Variants in SLC25A20 observed in about 807,000 individuals in gnomAD.
SLC25A20 encodes the protein solute carrier family 25 member 20.
SLC25A20 carries 29 observed loss-of-function variants against 39.7 expected under a neutral mutation model. That is an observed-to-expected ratio of 0.73 (90% CI 0.54 to 1.00). SLC25A20 has a LOEUF of 1.00. SLC25A20 is among the 50% of genes least tolerant of loss of function. The pLI is 0.00. For synonymous variants in SLC25A20, 103 were observed against 142.2 expected, an observed-to-expected ratio of 0.72 and a Z score of 1.96; for missense variants, 333 against 379.9, an observed-to-expected ratio of 0.88 and a Z score of 1.03.
At chr3:48,863,292 T>G (rs560660421) in intron 4 of SLC25A20, among the ~76,000 whole-genome samples, 1 of 152,356 alleles carries the variant, frequency 6.6e-6, no homozygotes, top group East Asian at 1.9e-4. Context: ...GTCATTCATT[T>G]ATTCCTTCAA....
At chr3:48,892,268 C>T (rs918170564) in intron 1 of SLC25A20, among the ~76,000 whole-genome samples, 196 bp from the exon 2 acceptor site, 8 of 152,148 alleles carry the variant, frequency 5.3e-5, no homozygotes, top group African/African-American at 1.9e-4. Flanking sequence ...AAATAATATC[C>T]CATCGTATGA....
chr3:48,862,022 C>T (rs906504137), intron 5 of SLC25A20, among the ~76,000 whole-genome samples: 10 of 152,088 alleles, frequency 6.6e-5, no homozygotes, highest in African/African-American at 2.4e-4. Context: ...GAGTGAAACT[C>T]CATCTCAAAA....
chr3:48,890,362 A>AT (rs1307180983), intron 2 of SLC25A20, among the ~76,000 whole-genome samples: 5 of 150,982 alleles, frequency 3.3e-5, no homozygotes, highest in African/African-American at 7.3e-5. Flanking sequence ...AATTTTTTGT[A>AT]TTTTTTTTAG....
intron 2 of SLC25A20, among the ~76,000 whole-genome samples, chr3:48,887,623 G>C (rs1259161242): frequency 6.6e-6 from 1 of 152,188 alleles, no homozygotes; most frequent in African/African-American, 2.4e-5. Flanking sequence ...AAAGAACAAG[G>C]CCAGGTGCCA....
intron 7 of SLC25A20, 70 bp from the exon 8 acceptor site, chr3:48,858,701 C>A: frequency 1.3e-6 from 2 of 1,598,206 alleles, no homozygotes; most frequent in Middle Eastern, 1.8e-4. Context: ...CCTGAAGGGT[C>A]AGGACTAGCA....
intron 4 of SLC25A20, among the ~76,000 whole-genome samples, chr3:48,876,758 T>C (rs1261318561): frequency 1.3e-5 from 2 of 151,964 alleles, no homozygotes; most frequent in African/African-American, 4.8e-5. Context: ...AAAAAAATTA[T>C]AGAAATGATT....
At chr3:48,893,327 C>T (rs1209876722) in intron 1 of SLC25A20, among the ~76,000 whole-genome samples, 1 of 151,916 alleles carries the variant, frequency 6.6e-6, no homozygotes, top group Non-Finnish European at 1.5e-5. Flanking sequence ...TGGATAATGA[C>T]ACTGAACAAC....
chr3:48,858,829 G>A (rs1308601638), intron 7 of SLC25A20, among the ~76,000 whole-genome samples, 198 bp from the exon 8 acceptor site: 3 of 152,188 alleles, frequency 2.0e-5, no homozygotes, highest in Non-Finnish European at 4.4e-5. Flanking sequence ...GAGGGAAGAA[G>A]AATGAAACAG....
chr3:48,878,098 T>C (rs1260452153), intron 4 of SLC25A20, among the ~76,000 whole-genome samples: 2 of 151,182 alleles, frequency 1.3e-5, no homozygotes, highest in East Asian at 3.9e-4. Flanking sequence ...CCATCTCTAC[T>C]AAAAATACAA....
chr3:48,878,131 C>T (rs563547901), intron 4 of SLC25A20, among the ~76,000 whole-genome samples: 5 of 151,630 alleles, frequency 3.3e-5, no homozygotes, highest in African/African-American at 1.2e-4. Context: ...CGTGGTGGCA[C>T]ATGCCTGTGG....
intron 1 of SLC25A20, among the ~76,000 whole-genome samples, chr3:48,895,302 C>A (rs959231771): frequency 2.0e-5 from 3 of 152,230 alleles, no homozygotes; most frequent in Non-Finnish European, 4.4e-5. Context: ...GCCACCATGC[C>A]TGGCCTAATT....
intron 4 of SLC25A20, among the ~76,000 whole-genome samples, chr3:48,873,994 A>C (rs1298397660): frequency 9.2e-6 from 1 of 109,222 alleles, no homozygotes; most frequent in Non-Finnish European, 1.9e-5. Context: ...AAAAAAAAGA[A>C]TTCTTAGACT....
At chr3:48,897,365 A>ATTT (rs1372803902) in intron 1 of SLC25A20, among the ~76,000 whole-genome samples, 43 of 104,316 alleles carry the variant, frequency 4.1e-4, no homozygotes, top group Non-Finnish European at 8.0e-4. Context: ...ATATATATAT[A>ATTT]TATTTTTTTT....
At chr3:48,873,923 T>C (rs2083736181) in intron 4 of SLC25A20, among the ~76,000 whole-genome samples, 1 of 142,944 alleles carries the variant, frequency 7.0e-6, no homozygotes, top group Non-Finnish European at 1.5e-5. Flanking sequence ...GAGCTGAGAT[T>C]GCGCTACTGC....
intron 2 of SLC25A20, among the ~76,000 whole-genome samples, chr3:48,890,871 G>T (rs2106664640): frequency 6.6e-6 from 1 of 151,440 alleles, no homozygotes; most frequent in South Asian, 2.1e-4. Context: ...AGCCAGGATG[G>T]TCTCGATCTC....
At chr3:48,881,020 C>T (rs1293866103) in intron 3 of SLC25A20, among the ~76,000 whole-genome samples, 3 of 152,134 alleles carry the variant, frequency 2.0e-5, no homozygotes, top group Admixed American at 6.6e-5. Flanking sequence ...ACTCTTGACC[C>T]CAAGCCTCCA....
intron 1 of SLC25A20, among the ~76,000 whole-genome samples, chr3:48,895,431 G>A (rs1003263599): frequency 6.6e-6 from 1 of 152,214 alleles, no homozygotes; most frequent in Admixed American, 6.6e-5. Flanking sequence ...GAGCCACCGC[G>A]CCCAGCCCTT....
chr3:48,871,982 A>ATTTTTTT (rs71077746), intron 4 of SLC25A20, among the ~76,000 whole-genome samples: 2 of 56,668 alleles, frequency 3.5e-5, no homozygotes, highest in African/African-American at 6.7e-5. Flanking sequence ...TGCCCAGCTA[A>ATTTTTTT]TTTTTTTTTT....
chr3:48,892,135 G>A, intron 1 of SLC25A20, 63 bp from the exon 2 acceptor site: 1 of 1,283,950 alleles, frequency 7.8e-7, no homozygotes, highest in Non-Finnish European at 1.1e-6. Flanking sequence ...AGCAGCAATG[G>A]CCCAACTGTC....
Sources: gnomAD v4.1 joint callset for allele counts (sites outside exome capture counted in the v4.1 genomes callset) on GRCh38, gnomAD v4.1.1 for gene constraint, MANE v1.5 for transcripts, NCBI Gene and HGNC (gene_info 2026-07-23, HGNC 2026-07-21) for gene names.